Variants in CPVL observed in about 807,000 individuals in gnomAD.
The protein encoded by CPVL is probable serine carboxypeptidase CPVL.
CPVL carries 51 observed loss-of-function variants against 63.7 expected under a neutral mutation model. The observed-to-expected ratio is 0.80, with a 90% CI of 0.64 to 1.01. CPVL has a LOEUF of 1.01. Among genes scored for constraint, CPVL ranks in the 50% least tolerant of loss-of-function variants. The pLI is 0.00. For missense variants in CPVL, 530 were observed against 573.1 expected (o/e 0.92, Z 0.77); for synonymous variants, 195 against 206.0 (o/e 0.95, Z 0.46).
chr7:29,119,797 G>C (rs942968733), intron 2 of CPVL, among the ~76,000 whole-genome samples: 2 of 152,164 alleles, frequency 1.3e-5, no homozygotes, highest in African/African-American at 2.4e-5. Flanking sequence ...AGGCTGCAGT[G>C]AGGCTGAGTA....
chr7:29,038,950 A>G (rs1341974596), intron 11 of CPVL, among the ~76,000 whole-genome samples: 2 of 152,212 alleles, frequency 1.3e-5, no homozygotes, highest in African/African-American at 4.8e-5. Context: ...CCTATTCAAC[A>G]GACACGTTTA....
At chr7:29,002,369 C>T (rs934524071) in intron 12 of CPVL, among the ~76,000 whole-genome samples, 2 of 152,144 alleles carry the variant, frequency 1.3e-5, no homozygotes, top group African/African-American at 2.4e-5. Flanking sequence ...CTGAATCAAT[C>T]GTCTCAATCC....
intron 11 of CPVL, among the ~76,000 whole-genome samples, chr7:29,058,502 T>C (rs749729221): frequency 4.1e-4 from 63 of 152,258 alleles, no homozygotes; most frequent in Admixed American, 9.1e-4. Flanking sequence ...CTTCTCTTTA[T>C]ATAGATGTGA....
intron 12 of CPVL, among the ~76,000 whole-genome samples, chr7:29,028,725 G>T (rs1787728845): frequency 6.8e-6 from 1 of 147,398 alleles, no homozygotes; most frequent in Non-Finnish European, 1.5e-5. Flanking sequence ...AGCACCTGGG[G>T]AGGCCAAGGT....
Position 29,006,270 on chromosome 7 carries a change from T to G in CPVL, c.1321-10388A>C, listed in dbSNP as rs78271594. 8.1e-4 allele frequency among the ~76,000 whole-genome samples: 123 copies of G among 152,308 alleles called. No individual in the cohort carries two copies. In the East Asian group the frequency reaches 0.018, roughly 23 times the overall value. On this transcript the variant is annotated intron_variant, in intron 12 of 12. Coordinates refer to ENST00000265394, the MANE Select transcript of CPVL (RefSeq NM_031311.5). Reference sequence around the variant, plus strand: ...AGTGCCCTCTCTCTTCAGTTTACCCTCAGACTCCTGGTTCTCTGACATTTT... The same window carrying G: ...AGTGCCCTCTCTCTTCAGTTTACCCGCAGACTCCTGGTTCTCTGACATTTT...
At chr7:29,020,153 C>T (rs1173297944) in intron 12 of CPVL, among the ~76,000 whole-genome samples, 1 of 152,154 alleles carries the variant, frequency 6.6e-6, no homozygotes, top group African/African-American at 2.4e-5. Context: ...AAGCAGGACA[C>T]ATGTGGGATG....
At chr7:29,060,533 T>C (rs940598166) in intron 11 of CPVL, among the ~76,000 whole-genome samples, 5 of 152,238 alleles carry the variant, frequency 3.3e-5, no homozygotes. Flanking sequence ...GCCAATATGA[T>C]ATTTCAATTT....
At chr7:29,164,779 CA>C (rs55742522) in intron 5 of CPVL, among the ~76,000 whole-genome samples, 38,353 of 85,776 alleles carry the variant, frequency 0.45, 5,286 homozygotes, top group East Asian at 0.67. Flanking sequence ...AGACCTGTCT[CA>C]AAAAAAAAAA....
chr7:29,042,488 C>T (rs1299836386), intron 11 of CPVL, among the ~76,000 whole-genome samples: 2 of 151,948 alleles, frequency 1.3e-5, no homozygotes, highest in Non-Finnish European at 2.9e-5. Flanking sequence ...TCCTGTAGTC[C>T]CAGCTACTTG....
At chr7:29,099,905 A>G (rs1284675040) in intron 3 of CPVL, among the ~76,000 whole-genome samples, 1 of 152,184 alleles carries the variant, frequency 6.6e-6, no homozygotes, top group African/African-American at 2.4e-5. Context: ...CCTGCCTCAC[A>G]GGATTGCCTG....
At chr7:29,004,440 G>GT (rs1784971537) in intron 12 of CPVL, among the ~76,000 whole-genome samples, 1 of 152,134 alleles carries the variant, frequency 6.6e-6, no homozygotes, top group Non-Finnish European at 1.5e-5. Context: ...AATTTTCTCT[G>GT]TATTAACTCC....
At chr7:29,052,647 C>T (rs561358161) in intron 11 of CPVL, among the ~76,000 whole-genome samples, 34 of 152,272 alleles carry the variant, frequency 2.2e-4, no homozygotes, top group African/African-American at 7.7e-4. Context: ...CGGTGGCTCA[C>T]GCCTGTAATC....
intron 3 of CPVL, among the ~76,000 whole-genome samples, chr7:29,109,584 C>T (rs1477486786): frequency 6.6e-6 from 1 of 152,164 alleles, no homozygotes; most frequent in Non-Finnish European, 1.5e-5. Flanking sequence ...TCTGGCTCTG[C>T]ATGTGGGCTT....
chr7:29,021,138 A>G (rs1011944461), intron 12 of CPVL, among the ~76,000 whole-genome samples: 7 of 152,144 alleles, frequency 4.6e-5, no homozygotes, highest in African/African-American at 1.7e-4. Flanking sequence ...CATGACTGGC[A>G]GACAGAGTGG....
chr7:29,051,066 T>C (rs1245012504), intron 11 of CPVL, among the ~76,000 whole-genome samples: 1 of 152,204 alleles, frequency 6.6e-6, no homozygotes, highest in Non-Finnish European at 1.5e-5. Context: ...AGAATGAAAC[T>C]GGATCCTCAT....
chr7:29,149,035 T>C (rs1314521475), upstream of CPVL, among the ~76,000 whole-genome samples: 1 of 152,098 alleles, frequency 6.6e-6, no homozygotes, highest in African/African-American at 2.4e-5. Flanking sequence ...CTTGGACAGA[T>C]GGACTGTGCG....
At chr7:29,035,511 T>C (rs918668400) in intron 11 of CPVL, among the ~76,000 whole-genome samples, 1 of 152,196 alleles carries the variant, frequency 6.6e-6, no homozygotes, top group Admixed American at 6.5e-5. Flanking sequence ...TGACATCTCT[T>C]AGTCACCTCT....
chr7:29,081,470 G>A (rs60584796), intron 7 of CPVL: 16,555 of 152,156 alleles, frequency 0.11, 3,003 homozygotes, highest in African/African-American at 0.38. Context: ...CCACACCATC[G>A]TCCACACGGT....
intron 1 of CPVL, among the ~76,000 whole-genome samples, chr7:29,131,446 C>T (rs997641125): frequency 1.3e-5 from 2 of 152,194 alleles, no homozygotes; most frequent in Admixed American, 6.5e-5. Context: ...CTATAGGACT[C>T]GCTTCCATGA....
Sources: gnomAD v4.1 joint callset for allele counts (sites outside exome capture counted in the v4.1 genomes callset) on GRCh38, gnomAD v4.1.1 for gene constraint, MANE v1.5 for transcripts, NCBI Gene and HGNC (gene_info 2026-07-23, HGNC 2026-07-21) for gene names.